Variants in COX7B2 observed in about 807,000 individuals in gnomAD.
COX7B2 encodes the protein cytochrome c oxidase subunit 7B2.
For synonymous variants in COX7B2, 37 were observed against 32.1 expected (o/e 1.15, Z -0.51); for missense variants, 109 against 95.9 (o/e 1.14, Z -0.57).
chr4:46,831,665 T>G (rs933541502), intron 2 of COX7B2, among the ~76,000 whole-genome samples: 1 of 152,198 alleles, frequency 6.6e-6, no homozygotes, highest in African/African-American at 2.4e-5. Context: ...GCACTCTATC[T>G]AGCTAATCTG....
chr4:46,895,191 T>G (rs1298697548), intron 1 of COX7B2, among the ~76,000 whole-genome samples: 1 of 152,134 alleles, frequency 6.6e-6, no homozygotes, highest in Non-Finnish European at 1.5e-5. Context: ...TGTACACCAA[T>G]GTTCACTGCA....
chr4:46,859,171 A>C (rs189625969), intron 1 of COX7B2, among the ~76,000 whole-genome samples: 1 of 152,330 alleles, frequency 6.6e-6, no homozygotes, highest in East Asian at 1.9e-4. Context: ...CTCACAAGGA[A>C]TGTAGTGTCC....
intron 2 of COX7B2, among the ~76,000 whole-genome samples, chr4:46,752,261 T>C (rs1334279336): frequency 1.1e-4 from 16 of 151,928 alleles, no homozygotes; most frequent in Admixed American, 1.1e-3. Flanking sequence ...TTTTTGCACA[T>C]TGATTTTGTA....
intron 2 of COX7B2, among the ~76,000 whole-genome samples, chr4:46,755,219 C>CT (rs983785936): frequency 6.6e-6 from 1 of 151,966 alleles, no homozygotes; most frequent in Non-Finnish European, 1.5e-5. Context: ...AATAAAAAGT[C>CT]TTTGATGAAA....
chr4:46,758,363 C>G (rs568731835), intron 2 of COX7B2, among the ~76,000 whole-genome samples: 11 of 152,158 alleles, frequency 7.2e-5, no homozygotes, highest in African/African-American at 2.4e-4. Context: ...TCTCAACTAA[C>G]CATTATTTCA....
intron 1 of COX7B2, among the ~76,000 whole-genome samples, chr4:46,879,094 G>A (rs1004523602): frequency 3.9e-5 from 6 of 151,996 alleles, no homozygotes; most frequent in African/African-American, 1.4e-4. Flanking sequence ...AATGAACTAA[G>A]GCCGTGATTT....
intron 2 of COX7B2, among the ~76,000 whole-genome samples, chr4:46,826,573 T>C (rs1279300798): frequency 6.6e-6 from 1 of 152,160 alleles, no homozygotes; most frequent in African/African-American, 2.4e-5. Flanking sequence ...ATGTTCATTG[T>C]AGCACTATGC....
At chr4:46,851,874 A>T (rs1377332458) in intron 1 of COX7B2, among the ~76,000 whole-genome samples, 1 of 152,122 alleles carries the variant, frequency 6.6e-6, no homozygotes, top group Non-Finnish European at 1.5e-5. Flanking sequence ...CATATTTATC[A>T]ATGTGTCTTA....
intron 2 of COX7B2, among the ~76,000 whole-genome samples, chr4:46,844,311 A>G (rs778920882): frequency 2.7e-4 from 41 of 151,972 alleles, no homozygotes; most frequent in Non-Finnish European, 5.0e-4. Flanking sequence ...ATATTCCCAA[A>G]TTCGGCTTTC....
Position 46,831,903 on chromosome 4 carries a change from A to G in COX7B2, c.-50+13057T>C, listed in dbSNP as rs111928354. ...ATACACCAATGGGCACTCTGTATCT[A>G]GCTCAAGGTTTGTAAATACACCAAT... On this transcript the variant is annotated intron_variant, in intron 2 of 2. Transcript: ENST00000355591. Among the ~76,000 whole-genome samples the G allele has an allele frequency of 1.8e-3, 273 of 152,274 alleles. 8 individuals carry two copies. The highest frequency in any genetic ancestry group is 6.0e-3 in the African/African-American group (251 of 41,554).
chr4:46,762,235 TA>T (rs1716201966), intron 2 of COX7B2, among the ~76,000 whole-genome samples: 1 of 142,802 alleles, frequency 7.0e-6, no homozygotes, highest in African/African-American at 2.6e-5. Context: ...ATTTATATAT[TA>T]AATATATTAT....
intron 2 of COX7B2, among the ~76,000 whole-genome samples, chr4:46,788,703 A>G (rs1717881992): frequency 6.6e-6 from 1 of 152,228 alleles, no homozygotes; most frequent in African/African-American, 2.4e-5. Flanking sequence ...AGAAGACACA[A>G]AATGAGGATA....
chr4:46,778,943 TA>T (rs1717299041), intron 2 of COX7B2, among the ~76,000 whole-genome samples: 1 of 152,186 alleles, frequency 6.6e-6, no homozygotes, highest in African/African-American at 2.4e-5. Context: ...TGTATGCATC[TA>T]AAAATACAAT....
At chr4:46,883,291 G>GA (rs1400820934) in intron 1 of COX7B2, among the ~76,000 whole-genome samples, 3 of 152,064 alleles carry the variant, frequency 2.0e-5, no homozygotes, top group African/African-American at 7.2e-5. Context: ...ATACTTTGTA[G>GA]ATCTGGTATT....
At chr4:46,889,274 C>T (rs981055207) in intron 1 of COX7B2, among the ~76,000 whole-genome samples, 1 of 152,168 alleles carries the variant, frequency 6.6e-6, no homozygotes, top group Admixed American at 6.5e-5. Context: ...GGACTTCTAA[C>T]AACTGGCCTG....
At chr4:46,894,305 G>C (rs1719620826) in intron 1 of COX7B2, among the ~76,000 whole-genome samples, 1 of 152,036 alleles carries the variant, frequency 6.6e-6, no homozygotes, top group South Asian at 2.1e-4. Context: ...CATGGTACCA[G>C]AACAGAATAG....
intron 2 of COX7B2, among the ~76,000 whole-genome samples, chr4:46,752,547 C>T (rs974664247): frequency 6.6e-6 from 1 of 152,052 alleles, no homozygotes; most frequent in Non-Finnish European, 1.5e-5. Flanking sequence ...ATGTAATTGG[C>T]TTTGGGTTTA....
At chr4:46,776,906 C>T (rs2109537255) in intron 2 of COX7B2, among the ~76,000 whole-genome samples, 1 of 152,236 alleles carries the variant, frequency 6.6e-6, no homozygotes, top group South Asian at 2.1e-4. Flanking sequence ...ACAGGCTGTC[C>T]TCCTCCTTTT....
chr4:46,773,086 C>A (rs1716963204), intron 2 of COX7B2, among the ~76,000 whole-genome samples: 1 of 152,098 alleles, frequency 6.6e-6, no homozygotes. Context: ...TGTTCTTTTG[C>A]AACACATGAA....
Sources: allele counts gnomAD v4.1 joint callset (sites outside exome capture counted in the v4.1 genomes callset), GRCh38; gene constraint gnomAD v4.1.1; transcripts MANE v1.5; gene names NCBI Gene and HGNC (gene_info 2026-07-23, HGNC 2026-07-21).